MAF: variants seen among roughly 807,000 people sequenced by gnomAD.
MAF encodes the protein MAF bZIP transcription factor, also known as transcription factor Maf.
A neutral mutation model predicts 22.0 loss-of-function variants in MAF; 10 were observed. That is an observed-to-expected ratio of 0.45 (90% CI 0.28 to 0.77). The LOEUF (loss-of-function observed/expected upper bound fraction) is 0.77, where lower values mean the gene tolerates loss of function less well. Ranked by LOEUF, MAF falls within the 30% of genes least tolerant of loss-of-function variation. The pLI, the probability that MAF is intolerant of heterozygous loss-of-function variation, is 0.12. For synonymous variants in MAF, 337 were observed against 255.8 expected, an observed-to-expected ratio of 1.32 and a Z score of -3.03; for missense variants, 544 against 548.4, an observed-to-expected ratio of 0.99 and a Z score of 0.08.
At chr16:79,310,983 G>A in the MAF span, among the ~76,000 whole-genome samples, 7 of 152,010 alleles carry the variant, frequency 4.6e-5, no homozygotes, top group African/African-American at 1.4e-4. Context: ...AGGAGCGCGA[G>A]CTTCCACCCT....
chr16:79,522,457 T>G, the MAF span, among the ~76,000 whole-genome samples: 1 of 152,124 alleles, frequency 6.6e-6, no homozygotes, highest in Non-Finnish European at 1.5e-5. Context: ...TGTGCACAAG[T>G]TGAAGGAATA....
chr16:79,596,531 A>G lies in MAF; in HGVS notation c.1119-1978T>C, dbSNP rs542770514. 7.3e-4 allele frequency: 765 copies of G among 1,049,592 alleles called. 1 individual carries two copies. Among genetic ancestry groups the G allele is most frequent in the Non-Finnish European group, 8.5e-4 (743 of 869,158 alleles). The allele number at this position is 1,049,592 out of a possible 1,614,324, so 65.0% of individuals were successfully genotyped here. On this transcript the variant is annotated intron_variant, in intron 1 of 1. Transcript: ENST00000326043. ...AGATTATTCTTTTCTTGATATAACCAGAATTGAAAATGAAAGAAAAGCACA... is the reference window on the plus strand; with the variant it reads ...AGATTATTCTTTTCTTGATATAACCGGAATTGAAAATGAAAGAAAAGCACA...
chr16:79,339,541 G>C, the MAF span, among the ~76,000 whole-genome samples: 1 of 152,172 alleles, frequency 6.6e-6, no homozygotes, highest in African/African-American at 2.4e-5. Flanking sequence ...GACTCTTAGG[G>C]GAGAGAGATA....
chr16:79,343,865 G>C, the MAF span, among the ~76,000 whole-genome samples: 5 of 152,124 alleles, frequency 3.3e-5, no homozygotes, highest in Non-Finnish European at 7.4e-5. Context: ...GTTTTTTCTT[G>C]ATAGACAACC....
the MAF span, among the ~76,000 whole-genome samples, chr16:79,512,941 C>T: frequency 7.9e-4 from 121 of 152,324 alleles, 1 homozygote; most frequent in Middle Eastern, 0.02. Context: ...TGTCAAGCAG[C>T]GCGAGAGAGG....
chr16:79,321,338 A>C, the MAF span, among the ~76,000 whole-genome samples: 306 of 152,376 alleles, frequency 2.0e-3, 2 homozygotes, highest in African/African-American at 6.5e-3. Flanking sequence ...CGCAAATACA[A>C]GATGCCCAGT....
At chr16:79,551,160 G>A in the MAF span, among the ~76,000 whole-genome samples, 2 of 152,050 alleles carry the variant, frequency 1.3e-5, no homozygotes, top group African/African-American at 2.4e-5. Context: ...TTCAAAGAGG[G>A]GTCACCCAAG....
the MAF span, among the ~76,000 whole-genome samples, chr16:79,417,594 G>T: frequency 1.3e-5 from 2 of 152,132 alleles, no homozygotes; most frequent in African/African-American, 4.8e-5. Flanking sequence ...GAGGGCTGGG[G>T]CGAGCAGAGG....
the MAF span, among the ~76,000 whole-genome samples, chr16:79,415,449 A>G: frequency 6.6e-6 from 1 of 152,144 alleles, no homozygotes; most frequent in Non-Finnish European, 1.5e-5. Flanking sequence ...TCAGGACTCT[A>G]GCCATTGAAA....
At chr16:79,311,479 T>C in the MAF span, among the ~76,000 whole-genome samples, 8 of 146,220 alleles carry the variant, frequency 5.5e-5, no homozygotes, top group Non-Finnish European at 1.2e-4. Context: ...AAAACCGGCA[T>C]GGGAATATTG....
the MAF span, among the ~76,000 whole-genome samples, chr16:79,233,061 C>T: frequency 3.3e-5 from 5 of 151,894 alleles, no homozygotes; most frequent in South Asian, 2.1e-4. Context: ...AGGATGGTCT[C>T]GATCTCCTGA....
the MAF span, among the ~76,000 whole-genome samples, chr16:79,514,201 G>A: frequency 7.9e-5 from 12 of 152,224 alleles, no homozygotes; most frequent in Non-Finnish European, 1.6e-4. Flanking sequence ...AAGCAAATGT[G>A]TTCTCATTGT....
At chr16:79,252,547 T>C in the MAF span, among the ~76,000 whole-genome samples, 4 of 152,136 alleles carry the variant, frequency 2.6e-5, no homozygotes, top group African/African-American at 7.2e-5. Flanking sequence ...TGGAGTGCAG[T>C]AGCGCCATCT....
At chr16:79,480,627 G>C in the MAF span, among the ~76,000 whole-genome samples, 1 of 152,134 alleles carries the variant, frequency 6.6e-6, no homozygotes, top group Non-Finnish European at 1.5e-5. Flanking sequence ...AGGGTAGAAG[G>C]GTTGGGGAGA....
At chr16:79,518,702 A>G in the MAF span, among the ~76,000 whole-genome samples, 3 of 152,228 alleles carry the variant, frequency 2.0e-5, no homozygotes. Context: ...CTGGCATATA[A>G]TAAGTGCTTT....
the MAF span, among the ~76,000 whole-genome samples, chr16:79,214,263 T>G: frequency 6.6e-6 from 1 of 152,196 alleles, no homozygotes; most frequent in African/African-American, 2.4e-5. Context: ...TCTGTTTTCT[T>G]CACAACTTGG....
At chr16:79,212,014 G>T in the MAF span, 13 of 1,536,240 alleles carry the variant, frequency 8.5e-6, no homozygotes, top group Admixed American at 5.9e-5. Flanking sequence ...CTAGGCATAG[G>T]TCTCTTTGCT....
chr16:79,594,607 G>C (rs1352529764), intron 1 of MAF, 54 bp from the exon 2 acceptor site: 3 of 1,547,258 alleles, frequency 1.9e-6, no homozygotes, highest in Non-Finnish European at 2.6e-6. Context: ...ATCAAACGCA[G>C]CGTAAAGGGG....
the MAF span, among the ~76,000 whole-genome samples, chr16:79,371,079 G>T: frequency 6.6e-6 from 1 of 152,112 alleles, no homozygotes; most frequent in Non-Finnish European, 1.5e-5. Flanking sequence ...TCACTTAAGG[G>T]TACTCAGATG....
Sources: gnomAD v4.1 joint callset for allele counts (sites outside exome capture counted in the v4.1 genomes callset) on GRCh38, gnomAD v4.1.1 for gene constraint, MANE v1.5 for transcripts, NCBI Gene and HGNC (gene_info 2026-07-23, HGNC 2026-07-21) for gene names.